CASP10: variants seen among roughly 807,000 people sequenced by gnomAD.
CASP10 encodes caspase-10.
Under a neutral mutation model 48.5 loss-of-function variants are expected in CASP10, and 41 were observed. The observed-to-expected ratio is 0.85, with a 90% CI of 0.66 to 1.10. The LOEUF (loss-of-function observed/expected upper bound fraction) is 1.10. Among genes scored for constraint, CASP10 ranks in the 50% least tolerant of loss-of-function variants. The pLI is 0.00. For missense variants in CASP10, 614 were observed against 614.5 expected (o/e 1.00, Z 0.01); for synonymous variants, 232 against 238.4 (o/e 0.97, Z 0.25).
At position 201,219,524 on chromosome 2, in the gene CASP10, A is replaced by T; in HGVS notation, c.*1783A>T. 1 of 985,280 alleles carries T rather than the reference A, an allele frequency of 1.0e-6. No homozygotes were observed. Among genetic ancestry groups the T allele is most frequent in the Non-Finnish European group, 1.2e-6 (1 of 829,930 alleles). 61.0% of individuals were successfully genotyped at this position (985,280 alleles called of 1,614,324 possible). A position where few individuals can be genotyped will look rare whatever the true frequency, so the allele number is the denominator to read the frequency against. The stretch of plus-strand genomic sequence containing the variant: ...CAGTCCCCACCTTGTTACTGCTACT[A>T]CACTTTGCTCCTCTGGCCCAAGGCA... On this transcript the variant is annotated 3_prime_UTR_variant, in exon 10 of 10. Transcript: ENST00000286186.
intron 7 of CASP10, among the ~76,000 whole-genome samples, chr2:201,207,540 C>A (rs748919325): frequency 3.3e-5 from 5 of 151,994 alleles, no homozygotes; most frequent in Non-Finnish European, 7.4e-5. Context: ...GGGCGGATCA[C>A]AAGGTCAAGA....
chr2:201,219,323 C>T lies in CASP10; in HGVS notation c.*1582C>T, dbSNP rs979188048. ...CATTTCAGTTGCCATTGACAGAACACCCAATTCAAATTGACTGAAGCAAAG... is the reference window on the plus strand; with the variant it reads ...CATTTCAGTTGCCATTGACAGAACATCCAATTCAAATTGACTGAAGCAAAG... On this transcript the variant is annotated 3_prime_UTR_variant, in exon 10 of 10. Coordinates refer to ENST00000286186, the MANE Select transcript of CASP10 (RefSeq NM_032977.4). 8.0e-6 allele frequency: 4 copies of T among 496,898 alleles called. No homozygotes were observed. The African/African-American group carries it at 8.4e-5, about 10-fold the overall frequency. 30.8% of individuals were successfully genotyped at this position (496,898 alleles called of 1,614,324 possible). A position where few individuals can be genotyped will look rare whatever the true frequency, so the allele number is the denominator to read the frequency against.
rs549372406 is a variant in CASP10 at position 201,197,873 on chromosome 2, A to G, written c.684+1925A>G. Among the ~76,000 whole-genome samples the G allele has an allele frequency of 2.2e-4, 33 of 152,366 alleles. No homozygotes were observed. The South Asian group carries it at 5.8e-3, about 27-fold the overall frequency. ...TTTCAATTCTTTTGGGTTTGTATCC[A>G]TAAGTGGAAATGGTGGATTATATAG... On this transcript the variant is annotated intron_variant, in intron 5 of 9. Coordinates refer to ENST00000286186, the MANE Select transcript of CASP10 (RefSeq NM_032977.4).
chr2:201,186,750 C>T (rs896467249), intron 2 of CASP10, among the ~76,000 whole-genome samples: 2 of 152,040 alleles, frequency 1.3e-5, no homozygotes, highest in South Asian at 2.1e-4. Flanking sequence ...GAAGTGGCAC[C>T]ATCTCAGCTC....
At chr2:201,224,193 A>G (rs1366458560), downstream of CASP10, among the ~76,000 whole-genome samples, 1 of 151,948 alleles carries the variant, frequency 6.6e-6, no homozygotes, top group Non-Finnish European at 1.5e-5. Context: ...GGATGGTCTC[A>G]ATCTCCTGAC....
intron 4 of CASP10, among the ~76,000 whole-genome samples, chr2:201,195,085 G>GTTATTT (rs1025111320): frequency 4.0e-5 from 6 of 150,162 alleles, no homozygotes; most frequent in Admixed American, 6.6e-5. Context: ...CTTGAGCTTT[G>GTTATTT]TTATTTTTAT....
At chr2:201,203,411 A>G (rs1031136717) in intron 5 of CASP10, among the ~76,000 whole-genome samples, 3 of 150,846 alleles carry the variant, frequency 2.0e-5, no homozygotes, top group African/African-American at 7.3e-5. Flanking sequence ...GGTTCAAGTG[A>G]TTCTCCTGCC....
At chr2:201,200,336 A>T in intron 5 of CASP10, 1 of 978,408 alleles carries the variant, frequency 1.0e-6, no homozygotes, top group Non-Finnish European at 1.6e-6. Context: ...TCCAGCATTT[A>T]CTATGTTGGT....
chr2:201,217,834 GTCAT>G lies in CASP10; in HGVS notation c.*96_*99del. Reference sequence around the variant, plus strand: ...GCACAGGAATCGGTGGTCTCCACCTGTCATTCTAGAAACAGGAAACACCGTGTTT... The same window carrying G: ...GCACAGGAATCGGTGGTCTCCACCTGTCTAGAAACAGGAAACACCGTGTTT... On this transcript the variant is annotated 3_prime_UTR_variant, in exon 10 of 10. Transcript: ENST00000286186. The G allele has an allele frequency of 6.2e-7, 1 of 1,610,646 alleles. No homozygotes were observed. Among genetic ancestry groups the G allele is most frequent in the Non-Finnish European group, 8.5e-7 (1 of 1,178,348 alleles).
chr2:201,222,774 C>T (rs543961217), downstream of CASP10, among the ~76,000 whole-genome samples: 28 of 152,214 alleles, frequency 1.8e-4, no homozygotes, highest in South Asian at 3.7e-3. Context: ...GCTGTGGTAC[C>T]GACCCAGTGA....
At chr2:201,185,551 C>T (rs558671170) in intron 1 of CASP10, among the ~76,000 whole-genome samples, 4 of 152,212 alleles carry the variant, frequency 2.6e-5, no homozygotes, top group South Asian at 4.1e-4. Context: ...AATATAAGCA[C>T]CCTCCAAGTT....
chr2:201,205,861 T>C, intron 6 of CASP10, 21 bp from the exon 7 acceptor site: 1 of 1,420,024 alleles, frequency 7.0e-7, no homozygotes, highest in Non-Finnish European at 1.0e-6. Context: ...ATATTTGGAG[T>C]CTGAGTACCT....
chr2:201,200,399 C>T, intron 5 of CASP10: 2 of 1,564,594 alleles, frequency 1.3e-6, no homozygotes, highest in Non-Finnish European at 1.7e-6. Flanking sequence ...CGTAAGTTGG[C>T]TCTCAGCATT....
chr2:201,195,925 A>G lies in CASP10; in HGVS notation c.661A>G (p.Lys221Glu). ...AGAACTAGTTTCCCAAACAGATGTTAAGACATTCTTGGAAGCCTTACCGGT... is the reference window on the plus strand; with the variant it reads ...AGAACTAGTTTCCCAAACAGATGTTGAGACATTCTTGGAAGCCTTACCGGT... ...EEELVSQTDV[K>E]TFLEALPQES... Residue 221 changes from lysine (K) to glutamate (E), a missense_variant, in exon 5 of 10, where the codon AAG becomes GAG. Lys to Glu is a moderately conservative substitution (Grantham distance 56). Transcript: ENST00000286186. 1 of 1,613,736 alleles carries G rather than the reference A, an allele frequency of 6.2e-7. No homozygotes were observed. The highest frequency in any genetic ancestry group is 8.5e-7 in the Non-Finnish European group (1 of 1,179,664).
rs41454850 is a variant in CASP10, at chr2:201,208,753, A to T, written c.923-317A>T. Among the ~76,000 whole-genome samples the T allele has an allele frequency of 4.2e-3, 641 of 151,876 alleles. 3 individuals are homozygous for T. Among genetic ancestry groups the T allele is most frequent in the African/African-American group, 0.014 (599 of 41,400 alleles). On this transcript the variant is annotated intron_variant, in intron 8 of 9. Transcript: ENST00000286186. ...GAGTGCAGTGGTGCAGTCCCAGCTCACTGCAACCTCTGCCTCCCAGGCTCA... is the reference window on the plus strand; with the variant it reads ...GAGTGCAGTGGTGCAGTCCCAGCTCTCTGCAACCTCTGCCTCCCAGGCTCA...
intron 2 of CASP10, among the ~76,000 whole-genome samples, chr2:201,186,907 G>A (rs982448338): frequency 6.6e-6 from 1 of 152,058 alleles, no homozygotes; most frequent in African/African-American, 2.4e-5. Context: ...AGGCTGGTCT[G>A]GAACTCCTAG....
At chr2:201,225,139 T>TG (rs1369035539), downstream of CASP10, among the ~76,000 whole-genome samples, 1 of 152,182 alleles carries the variant, frequency 6.6e-6, no homozygotes, top group Non-Finnish European at 1.5e-5. Context: ...GGATCTTCAG[T>TG]GCCACCAGGG....
chr2:201,228,454 A>T (rs891048492), intron 9 of CASP10, among the ~76,000 whole-genome samples: 2 of 152,216 alleles, frequency 1.3e-5, no homozygotes, highest in South Asian at 4.1e-4. Flanking sequence ...CAGTCTGGCC[A>T]CACTGCAAGG....
intron 9 of CASP10, among the ~76,000 whole-genome samples, chr2:201,215,211 G>GTTTTTTTTTT (rs10616229): frequency 8.7e-4 from 26 of 29,908 alleles, no homozygotes; most frequent in African/African-American, 2.7e-3. Context: ...TCTTCCCTCG[G>GTTTTTTTTTT]TTTTTTTTTT....
Sources: allele counts gnomAD v4.1 joint callset (sites outside exome capture counted in the v4.1 genomes callset), GRCh38; gene constraint gnomAD v4.1.1; transcripts MANE v1.5; gene names NCBI Gene and HGNC (gene_info 2026-07-23, HGNC 2026-07-21).